EPHA6: variants seen among roughly 807,000 people sequenced by gnomAD.
EPHA6 encodes EPH receptor A6, also known as ephrin type-A receptor 6.
In EPHA6, 50 loss-of-function variants were observed where a neutral mutation model predicts 112.0. The observed-to-expected ratio is 0.45, with a 90% CI of 0.36 to 0.56. EPHA6 has a LOEUF of 0.56. Among genes scored for constraint, EPHA6 ranks in the 20% least tolerant of loss-of-function variants. The pLI is 0.00. For synonymous variants in EPHA6, 529 were observed against 490.7 expected (o/e 1.08, Z -1.03); for missense variants, 1,280 against 1,417.4 (o/e 0.90, Z 1.56).
intron 11 of EPHA6, among the ~76,000 whole-genome samples, chr3:97,558,039 C>G (rs1280790090): frequency 6.6e-6 from 1 of 151,914 alleles, no homozygotes; most frequent in Non-Finnish European, 1.5e-5. Flanking sequence ...TCCCTAAGCA[C>G]AGGGGCAGGA....
chr3:97,296,009 G>C (rs1324012003), intron 5 of EPHA6, among the ~76,000 whole-genome samples: 6 of 152,192 alleles, frequency 3.9e-5, no homozygotes, highest in Non-Finnish European at 8.8e-5. Flanking sequence ...GGATATTCAT[G>C]CAGCTTGCTC....
intron 11 of EPHA6, among the ~76,000 whole-genome samples, chr3:97,539,103 C>CCTTT (rs763185692): frequency 0.013 from 1,121 of 83,830 alleles, 13 homozygotes; most frequent in African/African-American, 0.035. Flanking sequence ...TTCCTTCCTT[C>CCTTT]CTTTCTTTCT....
intron 5 of EPHA6, among the ~76,000 whole-genome samples, chr3:97,390,282 C>T (rs1249900208): frequency 3.3e-5 from 5 of 152,114 alleles, no homozygotes; most frequent in Admixed American, 6.6e-5. Flanking sequence ...AGTTTTGCAG[C>T]CCCATTCTGG....
chr3:97,448,837 T>A, intron 7 of EPHA6, 107 bp downstream of exon 7: 1 of 1,014,648 alleles, frequency 9.9e-7, no homozygotes, highest in Non-Finnish European at 1.5e-6. Context: ...CTTGTTTAAA[T>A]GAGATTTTGT....
intron 3 of EPHA6, among the ~76,000 whole-genome samples, chr3:97,221,897 G>C (rs1248539953): frequency 2.0e-5 from 3 of 152,000 alleles, no homozygotes; most frequent in Admixed American, 2.0e-4. Flanking sequence ...AGATATGGTG[G>C]TGGGTGCCTA....
intron 5 of EPHA6, among the ~76,000 whole-genome samples, chr3:97,386,577 C>A (rs967865190): frequency 6.6e-6 from 1 of 152,204 alleles, no homozygotes; most frequent in Non-Finnish European, 1.5e-5. Context: ...TTGCAAGGTA[C>A]AGCCCCCTTC....
chr3:97,459,012 C>T (rs976368414), intron 7 of EPHA6, among the ~76,000 whole-genome samples: 1 of 152,144 alleles, frequency 6.6e-6, no homozygotes, highest in Non-Finnish European at 1.5e-5. Flanking sequence ...AAAATGCAAA[C>T]AAATGTGTCA....
intron 2 of EPHA6, among the ~76,000 whole-genome samples, chr3:96,905,794 A>G (rs1015674452): frequency 2.0e-5 from 3 of 152,042 alleles, no homozygotes; most frequent in African/African-American, 7.2e-5. Flanking sequence ...CCGTTTGTAG[A>G]TGTTTTAACT....
chr3:97,398,481 C>A (rs995604762), intron 5 of EPHA6, among the ~76,000 whole-genome samples: 1 of 151,104 alleles, frequency 6.6e-6, no homozygotes, highest in African/African-American at 2.4e-5. Flanking sequence ...ATTTAAATGG[C>A]AAATTATCTG....
chr3:97,040,633 G>T (rs985252096), intron 3 of EPHA6, among the ~76,000 whole-genome samples: 4 of 151,926 alleles, frequency 2.6e-5, no homozygotes, highest in South Asian at 2.1e-4. Flanking sequence ...TTTTAACATA[G>T]CTATAATGAT....
At chr3:97,726,811 G>A (rs778692982) in intron 15 of EPHA6, among the ~76,000 whole-genome samples, 2 of 151,986 alleles carry the variant, frequency 1.3e-5, no homozygotes, top group Non-Finnish European at 2.9e-5. Flanking sequence ...CTTATACCAT[G>A]TAATGTAGTT....
rs10707071 is a variant in EPHA6, at chr3:97,371,086, C to CT, written c.1607-34050dup. Among the ~76,000 whole-genome samples, 796 of 145,928 alleles carry CT rather than the reference C, an allele frequency of 5.5e-3. 7 individuals carry two copies. The highest frequency in any genetic ancestry group is 0.018 in the African/African-American group (735 of 39,870). On this transcript the variant is annotated intron_variant, in intron 5 of 17. Transcript: ENST00000389672. The stretch of plus-strand genomic sequence containing the variant: ...TGTTTAATTAGTGCAAGAAGATCCA[C>CT]TTTTTTTTTTTTTTGAGGGATTCAT...
chr3:97,693,605 A>C (rs1325401621), intron 14 of EPHA6, among the ~76,000 whole-genome samples: 1 of 152,132 alleles, frequency 6.6e-6, no homozygotes, highest in Non-Finnish European at 1.5e-5. Flanking sequence ...TGGGAGATCG[A>C]GACCATCCTG....
chr3:97,393,245 A>T (rs2086519352), intron 5 of EPHA6, among the ~76,000 whole-genome samples: 1 of 151,864 alleles, frequency 6.6e-6, no homozygotes, highest in Admixed American at 6.6e-5. Context: ...AGAATCTCAG[A>T]GTGGTCCAAT....
chr3:97,105,248 C>G (rs1219744816), intron 3 of EPHA6, among the ~76,000 whole-genome samples: 2 of 151,966 alleles, frequency 1.3e-5, no homozygotes, highest in Admixed American at 6.6e-5. Context: ...TTCTTTCTAA[C>G]TCTTTGATGT....
At chr3:97,393,771 A>G (rs75596869) in intron 5 of EPHA6, among the ~76,000 whole-genome samples, 1,794 of 151,616 alleles carry the variant, frequency 0.012, 30 homozygotes, top group African/African-American at 0.039. Flanking sequence ...TCATTGTTCT[A>G]CTCTCTACTT....
In EPHA6 at chr3:97,325,456, G is replaced by C. The variant is rs199971105; in HGVS notation, c.1607-79694G>C. Among the ~76,000 whole-genome samples the C allele has an allele frequency of 8.5e-5, 13 of 152,172 alleles. No individual in the cohort carries two copies. In the East Asian group the frequency reaches 2.5e-3, roughly 29 times the overall value. ...AGGACAGCAGTGACATTGGATTAGG[G>C]CTCACTCTTATGGCCTCATTTTAAC... On this transcript the variant is annotated intron_variant, in intron 5 of 17. Transcript: ENST00000389672.
chr3:97,344,241 G>GT (rs1666203156), intron 5 of EPHA6, among the ~76,000 whole-genome samples: 1 of 152,132 alleles, frequency 6.6e-6, no homozygotes, highest in South Asian at 2.1e-4. Context: ...AAATGTGTGT[G>GT]TTTTTTATAT....
At chr3:97,478,013 A>T (rs1226716674) in intron 8 of EPHA6, among the ~76,000 whole-genome samples, 6 of 152,100 alleles carry the variant, frequency 3.9e-5, no homozygotes, top group African/African-American at 1.4e-4. Flanking sequence ...TCTTATTATT[A>T]TACTTTAAGT....
Sources: allele counts gnomAD v4.1 joint callset (sites outside exome capture counted in the v4.1 genomes callset), GRCh38; gene constraint gnomAD v4.1.1; transcripts MANE v1.5; gene names NCBI Gene and HGNC (gene_info 2026-07-23, HGNC 2026-07-21).